The following ABCG2 variants were observed in gnomAD, a reference collection of about 807,000 sequenced individuals.
ABCG2 encodes broad substrate specificity ATP-binding cassette transporter ABCG2.
In ABCG2, 80 loss-of-function variants were observed where a neutral mutation model predicts 73.5. The ratio of observed to expected loss-of-function variants is 1.09; its 90% CI spans 0.91 to 1.31. The LOEUF (loss-of-function observed/expected upper bound fraction) is 1.31, where lower values mean the gene tolerates loss of function less well. ABCG2 is among the 50% of genes most tolerant of loss of function. The probability of loss-of-function intolerance (pLI) is 0.00; values close to 1 mark genes in which losing one functional copy is unlikely to be tolerated. For missense variants in ABCG2, 796 were observed against 786.2 expected (o/e 1.01, Z -0.15); for synonymous variants, 269 against 282.4 (o/e 0.95, Z 0.48).
chr4:88,200,416 A>G (rs1166109336), intron 1 of ABCG2, among the ~76,000 whole-genome samples: 1 of 152,066 alleles, frequency 6.6e-6, no homozygotes, highest in Non-Finnish European at 1.5e-5. Context: ...TGATCCTCCC[A>G]CCTCAGCCTC....
chr4:88,167,612 T>C (rs1164839085), intron 1 of ABCG2, among the ~76,000 whole-genome samples: 2 of 152,078 alleles, frequency 1.3e-5, no homozygotes, highest in Non-Finnish European at 2.9e-5. Context: ...TGACCTCAGG[T>C]GATCCACCCA....
intron 1 of ABCG2, among the ~76,000 whole-genome samples, chr4:88,193,137 G>T (rs922970034): frequency 1.3e-5 from 2 of 151,896 alleles, no homozygotes; most frequent in African/African-American, 4.8e-5. Flanking sequence ...GCCTTCTCAC[G>T]TACTATATAC....
intron 15 of ABCG2, 147 bp from the exon 16 acceptor site, chr4:88,092,528 G>A (rs1228197912): frequency 3.5e-5 from 29 of 833,930 alleles, no homozygotes; most frequent in Non-Finnish European, 4.2e-5. Flanking sequence ...CAGTCATTGT[G>A]TGTTTACAAT....
At chr4:88,128,989 G>A (rs1298272148) in intron 5 of ABCG2, among the ~76,000 whole-genome samples, 1 of 152,164 alleles carries the variant, frequency 6.6e-6, no homozygotes, top group Non-Finnish European at 1.5e-5. Context: ...GTAGTTTGAA[G>A]TTCAGAACAC....
At chr4:88,093,228 G>A (rs1175838537) in intron 15 of ABCG2, among the ~76,000 whole-genome samples, 12 of 152,232 alleles carry the variant, frequency 7.9e-5, no homozygotes, top group African/African-American at 2.2e-4. Context: ...CCTCCTGGCC[G>A]GCTGCAGTGG....
upstream of ABCG2, among the ~76,000 whole-genome samples, chr4:88,163,121 A>G (rs1335756249): frequency 2.6e-5 from 4 of 152,212 alleles, no homozygotes; most frequent in Admixed American, 1.3e-4. Flanking sequence ...GTCCGAGTAT[A>G]TCTATTTTCA....
At chr4:88,133,814 A>G (rs1309837437) in intron 2 of ABCG2, among the ~76,000 whole-genome samples, 1 of 152,222 alleles carries the variant, frequency 6.6e-6, no homozygotes, top group African/African-American at 2.4e-5. Context: ...CCTGGCCAAC[A>G]TGGCAAAACC....
intron 1 of ABCG2, among the ~76,000 whole-genome samples, chr4:88,209,520 A>G (rs966026803): frequency 4.6e-5 from 7 of 151,624 alleles, no homozygotes; most frequent in African/African-American, 1.7e-4. Context: ...AAAATTATCC[A>G]GGCGTGGTGG....
At chr4:88,217,973 TA>T (rs34088003) in intron 1 of ABCG2, among the ~76,000 whole-genome samples, 10,183 of 139,666 alleles carry the variant, frequency 0.073, 413 homozygotes, top group Non-Finnish European at 0.1. Flanking sequence ...TTCTAAAAAT[TA>T]AAAAAAAAAA....
intron 1 of ABCG2, among the ~76,000 whole-genome samples, chr4:88,225,195 C>T (rs1730159830): frequency 6.6e-6 from 1 of 152,174 alleles, no homozygotes; most frequent in Non-Finnish European, 1.5e-5. Flanking sequence ...ATATTTTGGG[C>T]TTCACAGGCT....
At chr4:88,206,129 C>G (rs566360187) in intron 1 of ABCG2, among the ~76,000 whole-genome samples, 1 of 152,280 alleles carries the variant, frequency 6.6e-6, no homozygotes, top group Non-Finnish European at 1.5e-5. Flanking sequence ...ATATTGTTGC[C>G]TGTTGAAAAT....
intron 1 of ABCG2, among the ~76,000 whole-genome samples, chr4:88,181,364 C>T (rs1039649561): frequency 1.5e-5 from 2 of 137,012 alleles, no homozygotes; most frequent in Non-Finnish European, 3.0e-5. Flanking sequence ...CGTGCCACTG[C>T]ACTCCAGCCT....
chr4:88,117,625 A>C (rs1480098976), intron 7 of ABCG2, among the ~76,000 whole-genome samples: 4 of 152,220 alleles, frequency 2.6e-5, no homozygotes, highest in African/African-American at 9.6e-5. Flanking sequence ...CAATAGAGCA[A>C]GACTCCATCT....
intron 1 of ABCG2, among the ~76,000 whole-genome samples, chr4:88,202,374 A>ATATG (rs1553945725): frequency 1.9e-3 from 221 of 115,572 alleles, no homozygotes; most frequent in Non-Finnish European, 3.1e-3. Context: ...ATATATATAT[A>ATATG]TATGTATATT....
chr4:88,222,891 G>A (rs757344962), intron 1 of ABCG2, among the ~76,000 whole-genome samples: 3 of 152,220 alleles, frequency 2.0e-5, no homozygotes, highest in Non-Finnish European at 4.4e-5. Context: ...GGCCACAGAG[G>A]AAGAGCTGCC....
intron 1 of ABCG2, among the ~76,000 whole-genome samples, chr4:88,145,721 C>T (rs1378977212): frequency 6.6e-6 from 1 of 152,168 alleles, no homozygotes; most frequent in Non-Finnish European, 1.5e-5. Flanking sequence ...GAGCAGATTA[C>T]TTGAGGTCAG....
At chr4:88,194,325 C>A (rs1333359266) in intron 1 of ABCG2, among the ~76,000 whole-genome samples, 2 of 151,258 alleles carry the variant, frequency 1.3e-5, no homozygotes, top group African/African-American at 4.9e-5. Context: ...CCGAGGCGGG[C>A]GGATCACGAG....
chr4:88,215,561 C>A (rs1729779525), intron 1 of ABCG2, among the ~76,000 whole-genome samples: 1 of 152,206 alleles, frequency 6.6e-6, no homozygotes, highest in Non-Finnish European at 1.5e-5. Flanking sequence ...TAGGTCACAG[C>A]TGTTGCTGGA....
intron 1 of ABCG2, among the ~76,000 whole-genome samples, chr4:88,177,782 C>A (rs1009033973): frequency 6.6e-6 from 1 of 152,074 alleles, no homozygotes; most frequent in African/African-American, 2.4e-5. Context: ...GAGAGCACAG[C>A]GATTATGGGA....
Sources: gnomAD v4.1 joint callset for allele counts (sites outside exome capture counted in the v4.1 genomes callset) on GRCh38, gnomAD v4.1.1 for gene constraint, MANE v1.5 for transcripts, NCBI Gene and HGNC (gene_info 2026-07-23, HGNC 2026-07-21) for gene names.